Variants in MARCHF1 observed in about 807,000 individuals in gnomAD.
The protein encoded by MARCHF1 is membrane associated ring-CH-type finger 1, also known as E3 ubiquitin-protein ligase MARCHF1.
A neutral mutation model predicts 54.2 loss-of-function variants in MARCHF1; 40 were observed. That is an observed-to-expected ratio of 0.74 (90% CI 0.57 to 0.96). The LOEUF is 0.96. Ranked by LOEUF, MARCHF1 falls within the 40% of genes least tolerant of loss-of-function variation. The probability of loss-of-function intolerance (pLI) is 0.00; values close to 1 mark genes in which losing one functional copy is unlikely to be tolerated. For missense variants in MARCHF1, 586 were observed against 656.5 expected (o/e 0.89, Z 1.17); for synonymous variants, 236 against 236.3 (o/e 1.00, Z 0.01).
chr4:164,056,625 G>T lies in MARCHF1; in HGVS notation c.-248+54963C>A, dbSNP rs1754496543. The stretch of plus-strand genomic sequence containing the variant: ...CTTGTTCATTTAGATTAATAGATTG[G>T]GTAGAAGAACTCATTCCCAGGCCTG... On this transcript the variant is annotated intron_variant, in intron 2 of 9. Coordinates refer to ENST00000514618, the MANE Select transcript of MARCHF1 (RefSeq NM_001394959.1). Among the ~76,000 whole-genome samples the T allele has an allele frequency of 2.6e-5, 4 of 152,100 alleles. No homozygotes were observed. The South Asian group carries it at 8.3e-4, about 31-fold the overall frequency.
intron 8 of MARCHF1, among the ~76,000 whole-genome samples, chr4:163,580,062 A>T (rs1456988157): frequency 6.2e-5 from 9 of 144,212 alleles, no homozygotes; most frequent in African/African-American, 2.1e-4. Context: ...AGCCTTATTT[A>T]TTATTTATTT....
chr4:164,059,113 G>T (rs1338000737), intron 2 of MARCHF1, among the ~76,000 whole-genome samples: 1 of 152,168 alleles, frequency 6.6e-6, no homozygotes, highest in Non-Finnish European at 1.5e-5. Flanking sequence ...AACAACAACA[G>T]ATTCATCTAG....
chr4:163,915,780 G>A (rs1426498271), intron 3 of MARCHF1, among the ~76,000 whole-genome samples: 2 of 152,054 alleles, frequency 1.3e-5, no homozygotes, highest in Non-Finnish European at 2.9e-5. Context: ...ATGGAAATGG[G>A]TGTTGTTGTT....
chr4:163,688,008 G>A (rs1256900878), intron 5 of MARCHF1, among the ~76,000 whole-genome samples: 1 of 152,086 alleles, frequency 6.6e-6, no homozygotes, highest in Non-Finnish European at 1.5e-5. Context: ...TCTCAAAGTG[G>A]ATTTATTTGG....
At chr4:164,003,574 T>C (rs978455014) in intron 2 of MARCHF1, among the ~76,000 whole-genome samples, 2 of 152,034 alleles carry the variant, frequency 1.3e-5, no homozygotes, top group Non-Finnish European at 1.5e-5. Flanking sequence ...CATTTCATTA[T>C]GCTAAAATAA....
At chr4:164,182,688 T>A (rs1239226476) in intron 1 of MARCHF1, among the ~76,000 whole-genome samples, 5 of 151,940 alleles carry the variant, frequency 3.3e-5, no homozygotes, top group Non-Finnish European at 5.9e-5. Context: ...ATTAAATAAA[T>A]GATTCTAAAT....
At chr4:163,982,222 A>G (rs1214618197) in intron 3 of MARCHF1, among the ~76,000 whole-genome samples, 1 of 152,240 alleles carries the variant, frequency 6.6e-6, no homozygotes, top group Non-Finnish European at 1.5e-5. Flanking sequence ...TACTCAATTC[A>G]GACTCAAGAG....
intron 3 of MARCHF1, among the ~76,000 whole-genome samples, chr4:163,886,049 G>A (rs913127752): frequency 2.0e-5 from 3 of 148,044 alleles, no homozygotes; most frequent in Non-Finnish European, 4.5e-5. Flanking sequence ...GTATGATAGT[G>A]TGCCCCTGTG....
intron 3 of MARCHF1, among the ~76,000 whole-genome samples, chr4:163,905,288 C>T (rs1751040569): frequency 6.6e-6 from 1 of 151,988 alleles, no homozygotes; most frequent in African/African-American, 2.4e-5. Context: ...TCAACAAATA[C>T]TTATCGAGTG....
At chr4:164,106,826 C>T (rs778774917) in intron 2 of MARCHF1, among the ~76,000 whole-genome samples, 3 of 151,328 alleles carry the variant, frequency 2.0e-5, no homozygotes, top group Non-Finnish European at 4.4e-5. Context: ...CCTTAAGACT[C>T]TTCAGACTTT....
intron 1 of MARCHF1, among the ~76,000 whole-genome samples, chr4:164,313,368 G>T (rs145886129): frequency 0.011 from 1,387 of 126,472 alleles, 40 homozygotes; most frequent in African/African-American, 0.04. Context: ...AAAAAAAAAA[G>T]TGTAGATTTG....
At chr4:163,820,869 G>A (rs1432472502) in intron 4 of MARCHF1, among the ~76,000 whole-genome samples, 1 of 151,944 alleles carries the variant, frequency 6.6e-6, no homozygotes, top group African/African-American at 2.4e-5. Context: ...AGCCTTCTAA[G>A]TTCTACCCAC....
At chr4:164,235,763 A>T (rs976306853) in intron 1 of MARCHF1, among the ~76,000 whole-genome samples, 3 of 145,678 alleles carry the variant, frequency 2.1e-5, no homozygotes, top group Non-Finnish European at 4.5e-5. Context: ...CCCTGGGGAT[A>T]AAAAAAACCA....
At chr4:163,562,643 C>CT (rs1026848062) in intron 8 of MARCHF1, among the ~76,000 whole-genome samples, 2 of 152,150 alleles carry the variant, frequency 1.3e-5, no homozygotes, top group African/African-American at 4.8e-5. Context: ...CCTGAGGCTT[C>CT]TAGAGACATC....
intron 1 of MARCHF1, among the ~76,000 whole-genome samples, chr4:164,324,042 TTTAA>T (rs1287508293): frequency 1.3e-5 from 2 of 151,504 alleles, no homozygotes; most frequent in Non-Finnish European, 3.0e-5. Context: ...AAAGACTAAT[TTTAA>T]TTATTTCAAT....
At chr4:164,183,307 T>G (rs959343642) in intron 1 of MARCHF1, among the ~76,000 whole-genome samples, 1 of 152,196 alleles carries the variant, frequency 6.6e-6, no homozygotes, top group African/African-American at 2.4e-5. Flanking sequence ...CCCAATGTAA[T>G]GCATAAAAAG....
At chr4:164,080,201 C>T (rs1755066571) in intron 2 of MARCHF1, among the ~76,000 whole-genome samples, 1 of 152,170 alleles carries the variant, frequency 6.6e-6, no homozygotes, top group Non-Finnish European at 1.5e-5. Context: ...AACAGATTCC[C>T]AGCCTTTCAA....
chr4:164,039,323 A>C (rs984499477), intron 2 of MARCHF1, among the ~76,000 whole-genome samples: 2 of 152,194 alleles, frequency 1.3e-5, no homozygotes, highest in African/African-American at 4.8e-5. Flanking sequence ...GAGTAGCAAC[A>C]TATATTGATT....
chr4:163,942,231 T>C (rs75717720), intron 3 of MARCHF1, among the ~76,000 whole-genome samples: 1 of 152,198 alleles, frequency 6.6e-6, no homozygotes, highest in Non-Finnish European at 1.5e-5. Context: ...CCGTGTCCAA[T>C]TTGGAAGTTA....
Sources: gnomAD v4.1 joint callset for allele counts (sites outside exome capture counted in the v4.1 genomes callset) on GRCh38, gnomAD v4.1.1 for gene constraint, MANE v1.5 for transcripts, NCBI Gene and HGNC (gene_info 2026-07-23, HGNC 2026-07-21) for gene names.